Variants in SCAI observed in about 807,000 individuals in gnomAD.
SCAI encodes the protein protein SCAI.
SCAI carries 24 observed loss-of-function variants against 92.2 expected under a neutral mutation model. The observed-to-expected ratio is 0.26, with a 90% CI of 0.19 to 0.37. The LOEUF (loss-of-function observed/expected upper bound fraction) is 0.37, where lower values mean the gene tolerates loss of function less well. Among genes scored for constraint, SCAI ranks in the 10% least tolerant of loss-of-function variants. The pLI is 1.00. For missense variants in SCAI, 450 were observed against 736.2 expected, an observed-to-expected ratio of 0.61 and a Z score of 4.50; for synonymous variants, 261 against 258.6, an observed-to-expected ratio of 1.01 and a Z score of -0.09.
chr9:125,011,701 G>C (rs10125436), intron 9 of SCAI, among the ~76,000 whole-genome samples: 1 of 152,022 alleles, frequency 6.6e-6, no homozygotes, highest in African/African-American at 2.4e-5. Context: ...GATATTCCTC[G>C]AGAAGAGCAA....
chr9:125,099,876 T>G (rs762727773), intron 2 of SCAI, among the ~76,000 whole-genome samples: 1 of 152,244 alleles, frequency 6.6e-6, no homozygotes, highest in Non-Finnish European at 1.5e-5. Context: ...TTCATTGCTT[T>G]TTATAGCTAA....
At chr9:125,125,526 T>C (rs1835244679) in intron 2 of SCAI, among the ~76,000 whole-genome samples, 1 of 141,726 alleles carries the variant, frequency 7.1e-6, no homozygotes, top group African/African-American at 2.7e-5. Context: ...ATACTCCATC[T>C]CCAAAAAAAA....
At chr9:124,960,126 T>C (rs1477544251) in intron 17 of SCAI, among the ~76,000 whole-genome samples, 2 of 152,174 alleles carry the variant, frequency 1.3e-5, no homozygotes, top group Non-Finnish European at 2.9e-5. Context: ...CTTATAAAAC[T>C]AAACACATAC....
intron 2 of SCAI, among the ~76,000 whole-genome samples, chr9:125,073,173 C>T (rs1263015540): frequency 7.9e-6 from 1 of 125,866 alleles, no homozygotes; most frequent in African/African-American, 3.0e-5. Context: ...GGCGCGATCT[C>T]GGCTCACTGC....
rs1831239740 is a variant in SCAI, at chr9:124,951,832, TTAA to T, written c.*972_*974del. Reference sequence around the variant, plus strand: ...TATAAAATACTAAATACAGGGAATGTTAATAAATCTTATTTCCAAATTACCAAT... The same window carrying T: ...TATAAAATACTAAATACAGGGAATGTTAAATCTTATTTCCAAATTACCAAT... On this transcript the variant is annotated 3_prime_UTR_variant, in exon 18 of 18. Transcript: ENST00000336505. The T allele has an allele frequency of 6.6e-6, 1 of 152,220 alleles. No individual in the cohort carries two copies. Among genetic ancestry groups the T allele is most frequent in the South Asian group, 2.1e-4 (1 of 4,836 alleles). 9.4% of individuals were successfully genotyped at this position (152,220 alleles called of 1,614,324 possible). A position where few individuals can be genotyped will look rare whatever the true frequency, so the allele number is the denominator to read the frequency against.
intron 2 of SCAI, among the ~76,000 whole-genome samples, chr9:125,061,158 G>A (rs937131861): frequency 6.6e-6 from 1 of 152,144 alleles, no homozygotes; most frequent in Non-Finnish European, 1.5e-5. Flanking sequence ...TTAGCTGGGC[G>A]TGGTGGCGGG....
chr9:125,028,555 G>A, intron 4 of SCAI, 77 bp from the exon 5 acceptor site: 6 of 648,840 alleles, frequency 9.2e-6, no homozygotes, highest in Non-Finnish European at 1.5e-5. Context: ...AATTCAATAG[G>A]ATAAAATACC....
chr9:124,944,829 A>G lies in SCAI; in HGVS notation c.*7978T>C, dbSNP rs1831120889. 6.6e-6 allele frequency: 1 copy of G among 152,210 alleles called. No individual in the cohort carries two copies. Among genetic ancestry groups the G allele is most frequent in the African/African-American group, 2.4e-5 (1 of 41,454 alleles). The allele number at this position is 152,210 out of a possible 1,614,324, so 9.4% of individuals were successfully genotyped here. On this transcript the variant is annotated 3_prime_UTR_variant, in exon 18 of 18. Transcript: ENST00000336505. The stretch of plus-strand genomic sequence containing the variant: ...CAAATTGTAATGTTTACAAATCTCA[A>G]CTTTTAATCATGGCAAAGTGGACAT...
chr9:125,069,704 A>G (rs1371393864), intron 2 of SCAI, among the ~76,000 whole-genome samples: 2 of 136,954 alleles, frequency 1.5e-5, no homozygotes, highest in Non-Finnish European at 3.1e-5. Flanking sequence ...GCTCACTGCA[A>G]CCTCCACCTC....
chr9:125,063,849 G>T (rs1414750916), intron 2 of SCAI, among the ~76,000 whole-genome samples: 12 of 151,724 alleles, frequency 7.9e-5, no homozygotes, highest in Admixed American at 7.9e-4. Flanking sequence ...CATCTCCCAG[G>T]TTCAAGTGAT....
chr9:124,978,971 G>T (rs58311970), intron 14 of SCAI, among the ~76,000 whole-genome samples: 5 of 151,522 alleles, frequency 3.3e-5, no homozygotes, highest in African/African-American at 1.2e-4. Context: ...AGTGATTCTT[G>T]TGCCTCAGCC....
Position 125,012,102 on chromosome 9 carries a change from G to T in SCAI, c.861+6697C>A, listed in dbSNP as rs144693356. On this transcript the variant is annotated intron_variant, in intron 9 of 17. Transcript: ENST00000336505. The stretch of plus-strand genomic sequence containing the variant: ...ATGCCAAATTGCAAAGACCATCGAG[G>T]CTAGGAAGAAACTGCATCAACTAAC... Among the ~76,000 whole-genome samples the T allele has an allele frequency of 1.6e-4, 24 of 152,248 alleles. No individual in the cohort carries two copies. The South Asian group carries it at 4.4e-3, about 28-fold the overall frequency.
In SCAI at chr9:125,003,778, T is replaced by C. The variant is rs115290041; in HGVS notation, c.862-208A>G. On this transcript the variant is annotated intron_variant, in intron 9 of 17. Transcript: ENST00000336505. ...ATCCATATGTTCATCATCTAGATCC[T>C]ATAATAAGCATTTTTTATATTTGCT... The C allele has an allele frequency of 3.6e-3, 1,891 of 523,960 alleles. 32 individuals carry two copies. The highest frequency in any genetic ancestry group is 0.032 in the African/African-American group (1,655 of 51,990). The allele number at this position is 523,960 out of a possible 1,614,324, so 32.5% of individuals were successfully genotyped here.
chr9:125,012,543 C>T (rs1399030823), intron 9 of SCAI, among the ~76,000 whole-genome samples: 2 of 152,128 alleles, frequency 1.3e-5, no homozygotes, highest in Non-Finnish European at 2.9e-5. Context: ...TCCTGAGTGA[C>T]CTACAAAGAG....
At chr9:125,108,444 C>T (rs1214386977) in intron 2 of SCAI, among the ~76,000 whole-genome samples, 3 of 151,210 alleles carry the variant, frequency 2.0e-5, no homozygotes, top group Admixed American at 6.6e-5. Flanking sequence ...TCTGCCTGGC[C>T]GCCCATCGTC....
intron 14 of SCAI, among the ~76,000 whole-genome samples, chr9:124,978,508 A>G (rs1208185760): frequency 6.6e-6 from 1 of 152,238 alleles, no homozygotes; most frequent in Non-Finnish European, 1.5e-5. Context: ...ACTGTTGGCA[A>G]GAATGTGGGG....
At chr9:124,974,920 A>G (rs1831726072) in intron 15 of SCAI, among the ~76,000 whole-genome samples, 1 of 152,212 alleles carries the variant, frequency 6.6e-6, no homozygotes, top group African/African-American at 2.4e-5. Flanking sequence ...CGGGATTCAA[A>G]TTCAGTCAGT....
intron 3 of SCAI, among the ~76,000 whole-genome samples, chr9:125,033,441 G>C (rs1316501361): frequency 1.3e-5 from 2 of 151,820 alleles, no homozygotes; most frequent in African/African-American, 4.8e-5. Flanking sequence ...ATGTATTATG[G>C]GAACTAGTAG....
At chr9:125,138,460 G>A (rs1835590058) in intron 2 of SCAI, among the ~76,000 whole-genome samples, 1 of 151,836 alleles carries the variant, frequency 6.6e-6, no homozygotes, top group South Asian at 2.1e-4. Context: ...TGTCGCCCAG[G>A]CTGGAGTGCA....
Sources: allele counts gnomAD v4.1 joint callset (sites outside exome capture counted in the v4.1 genomes callset), GRCh38; gene constraint gnomAD v4.1.1; transcripts MANE v1.5; gene names NCBI Gene and HGNC (gene_info 2026-07-23, HGNC 2026-07-21).